The following TBC1D16 variants were observed in gnomAD, a reference collection of about 807,000 sequenced individuals.
TBC1D16 encodes the protein TBC1 domain family member 16.
Under a neutral mutation model 74.7 loss-of-function variants are expected in TBC1D16, and 58 were observed. The observed-to-expected ratio is 0.78, with a 90% CI of 0.63 to 0.97. TBC1D16 has a LOEUF of 0.97. Among genes scored for constraint, TBC1D16 ranks in the 50% least tolerant of loss-of-function variants. TBC1D16 has a pLI of 0.00. For synonymous variants in TBC1D16, 493 were observed against 474.7 expected (o/e 1.04, Z -0.50); for missense variants, 1,014 against 1,079.5 (o/e 0.94, Z 0.85).
chr17:79,976,210 A>C (rs1268513213), intron 3 of TBC1D16, among the ~76,000 whole-genome samples: 5 of 152,224 alleles, frequency 3.3e-5, no homozygotes, highest in East Asian at 1.9e-4. Context: ...GGTACCCTAC[A>C]TGTCGATGCC....
chr17:79,952,753 C>T lies in TBC1D16; in HGVS notation c.845G>A (p.Arg282His), dbSNP rs761831801. The change falls in exon 4 of 12, where the codon CGC becomes CAC. Residue 282 changes from arginine to histidine, a missense_variant. By Grantham distance (29) the Arg-to-His change is conservative. Coordinates refer to ENST00000310924, the MANE Select transcript of TBC1D16 (RefSeq NM_019020.4). ...GCACACCCGCTGCGGCTCGTCCCAG[C>T]GTGGGGTCTGCAGGAGGCCGTTGCT... is the stretch of plus-strand genomic sequence containing the variant. ...PDSNGLLQTP[R>H]WDEPQRVCAL... 3.0e-5 allele frequency: 49 copies of T among 1,612,090 alleles called. No individual in the cohort carries two copies. The highest frequency in any genetic ancestry group is 6.7e-5 in the Admixed American group (4 of 59,956).
rs114889695 is a variant in TBC1D16, at chr17:79,954,606, C to A, written c.780-1788G>T. 1.4e-3 allele frequency among the ~76,000 whole-genome samples: 218 copies of A among 152,262 alleles called. 1 individual carries two copies. The highest frequency in any genetic ancestry group is 5.0e-3 in the African/African-American group (208 of 41,552). ...CTGACATCTTCCCAAGTGGACCCTG[C>A]GGGAGCTGCGCTTCAGAATCGTTGC... On this transcript the variant is annotated intron_variant, in intron 3 of 11. Transcript: ENST00000310924. This position sits in a 1 kb window ranked among gnomAD's most constrained non-coding sequence, Gnocchi z 5.5.
At position 79,990,860 on chromosome 17, in the gene TBC1D16, C is replaced by T. The variant is rs1018245201; in HGVS notation, c.779+19300G>A. 1.3e-5 allele frequency among the ~76,000 whole-genome samples: 2 copies of T among 152,226 alleles called. No homozygotes were observed. Among genetic ancestry groups the T allele is most frequent in the South Asian group, 2.1e-4 (1 of 4,834 alleles). ...CACAGATTTGGCCCCTTATGTCTGG[C>T]TCATTTCACTCGGCGTAACGTCCTC... On this transcript the variant is annotated intron_variant, in intron 3 of 11. Coordinates refer to ENST00000310924, the MANE Select transcript of TBC1D16 (RefSeq NM_019020.4). The surrounding 1 kb of genome is among the most constrained non-coding windows in gnomAD (Gnocchi z 4.8).
chr17:79,972,192 CCT>C (rs916015900), intron 3 of TBC1D16, among the ~76,000 whole-genome samples: 30 of 151,708 alleles, frequency 2.0e-4, no homozygotes, highest in African/African-American at 7.0e-4. Flanking sequence ...TTTTCTTCCC[CCT>C]GAGAGGGAGT....
chr17:79,941,230 A>C lies in TBC1D16; in HGVS notation c.2056-123T>G. ...CGGCCTGCACCTCGGGGGCTCACCG[A>C]GTCCTGGACTGAGGGCTCTGCCTGC... On this transcript the variant is annotated intron_variant, in intron 11 of 11. Coordinates refer to ENST00000310924, the MANE Select transcript of TBC1D16 (RefSeq NM_019020.4). The surrounding 1 kb of genome is among the most constrained non-coding windows in gnomAD (Gnocchi z 4.3). The C allele has an allele frequency of 1.1e-6, 1 of 940,846 alleles. No homozygotes were observed. Among genetic ancestry groups the C allele is most frequent in the Non-Finnish European group, 1.6e-6 (1 of 644,838 alleles). 58.3% of individuals were successfully genotyped at this position (940,846 alleles called of 1,614,324 possible).
At chr17:79,962,247 CT>C (rs1356288337) in intron 3 of TBC1D16, among the ~76,000 whole-genome samples, 1 of 119,550 alleles carries the variant, frequency 8.4e-6, no homozygotes, top group Non-Finnish European at 1.6e-5. Context: ...AGTCATCTCA[CT>C]CTGTTGGCCA....
chr17:80,035,629 G>C lies in TBC1D16; in HGVS notation c.-63+166C>G, dbSNP rs2036964931. The stretch of plus-strand genomic sequence containing the variant: ...CTCCTGCTGGCGCCCCGCACCCCGA[G>C]GACGGCGGCCGGACCCCGGCCCCTC... On this transcript the variant is annotated intron_variant, in intron 1 of 11. Transcript: ENST00000310924. The surrounding 1 kb of genome is among the most constrained non-coding windows in gnomAD (Gnocchi z 5.3). Among the ~76,000 whole-genome samples, 1 of 151,196 alleles carries C rather than the reference G, an allele frequency of 6.6e-6. No homozygotes were observed. The highest frequency in any genetic ancestry group is 1.9e-4 in the East Asian group (1 of 5,138).
chr17:79,952,709 C>A lies in TBC1D16; in HGVS notation c.889G>T (p.Gly297Cys), dbSNP rs147640226. The change falls in exon 4 of 12, where the codon GGC becomes TGC. Residue 297 changes from glycine to cysteine, a missense_variant. Transcript: ENST00000310924. ...QRVCALEQIC[G>C]VFRVDLGHMR... Reference sequence around the variant, plus strand: ...TGGCCCAGGTCCACGCGGAACACGCCGCAAATCTGCTCCAGGGCGCACACC... The same window carrying A: ...TGGCCCAGGTCCACGCGGAACACGCAGCAAATCTGCTCCAGGGCGCACACC... 4 of 1,611,650 alleles carry A rather than the reference C, an allele frequency of 2.5e-6. No individual in the cohort carries two copies. In the East Asian group the frequency reaches 6.7e-5, roughly 27 times the overall value.
Position 79,978,202 on chromosome 17 carries a change from C to T in TBC1D16, c.780-25384G>A, listed in dbSNP as rs372853851. Among the ~76,000 whole-genome samples, 151 of 152,260 alleles carry T rather than the reference C, an allele frequency of 9.9e-4. No homozygotes were observed. In the Middle Eastern group the frequency reaches 0.02, roughly 21 times the overall value. On this transcript the variant is annotated intron_variant, in intron 3 of 11. Transcript: ENST00000310924. ...CAAGGCCGGAAAATACAGGGCCAAG[C>T]GGGGCGGGGATGAATCGCAGCTCCT... is the stretch of plus-strand genomic sequence containing the variant.
intron 3 of TBC1D16, among the ~76,000 whole-genome samples, chr17:79,972,361 G>A (rs907640606): frequency 6.6e-6 from 1 of 152,100 alleles, no homozygotes; most frequent in Non-Finnish European, 1.5e-5. Context: ...ATTTTTAGTA[G>A]AGACAGGGTT....
chr17:80,033,864 A>G (rs548806446), intron 1 of TBC1D16, among the ~76,000 whole-genome samples: 1 of 152,186 alleles, frequency 6.6e-6, no homozygotes, highest in African/African-American at 2.4e-5. Flanking sequence ...GATTAGTCCC[A>G]CCTCCTTGCA....
At chr17:79,943,802 G>GCC (rs2032259056) in intron 10 of TBC1D16, 1 of 1,288,888 alleles carries the variant, frequency 7.8e-7, no homozygotes, top group East Asian at 3.6e-5. Flanking sequence ...GCCACGCGCT[G>GCC]AGTTCACGGG....
chr17:79,950,331 C>T lies in TBC1D16; in HGVS notation c.1257+80G>A. On this transcript the variant is annotated intron_variant, in intron 6 of 11. Transcript: ENST00000310924. The surrounding 1 kb of genome is among the most constrained non-coding windows in gnomAD (Gnocchi z 4.6). ...CGTGGGTGCGGGCGGGCGGCCAGGCCCCGGCCCTCCTTCCCTCTCGCTCGT... is the reference window on the plus strand; with the variant it reads ...CGTGGGTGCGGGCGGGCGGCCAGGCTCCGGCCCTCCTTCCCTCTCGCTCGT... The T allele has an allele frequency of 6.8e-7, 1 of 1,469,308 alleles. No individual in the cohort carries two copies. The highest frequency in any genetic ancestry group is 9.0e-7 in the Non-Finnish European group (1 of 1,114,250). 91.0% of individuals were successfully genotyped at this position (1,469,308 alleles called of 1,614,324 possible).
At chr17:79,960,804 A>AAAAAAAAC (rs2033572368) in intron 3 of TBC1D16, among the ~76,000 whole-genome samples, 1 of 144,098 alleles carries the variant, frequency 6.9e-6, no homozygotes, top group Non-Finnish European at 1.5e-5. Context: ...AAAAAAAAAA[A>AAAAAAAAC]AAAAACGAAG....
rs1231902341 is a variant in TBC1D16, at chr17:79,990,244, A to G, written c.779+19916T>C. On this transcript the variant is annotated intron_variant, in intron 3 of 11. Coordinates refer to ENST00000310924, the MANE Select transcript of TBC1D16 (RefSeq NM_019020.4). The surrounding 1 kb of genome is among the most constrained non-coding windows in gnomAD (Gnocchi z 4.8). ...CGTGGACAGCAGCCGTAGCCCTCACAAGGCGTGTGCGGTGACGGGTCTCGG... is the reference window on the plus strand; with the variant it reads ...CGTGGACAGCAGCCGTAGCCCTCACGAGGCGTGTGCGGTGACGGGTCTCGG... 6.6e-6 allele frequency among the ~76,000 whole-genome samples: 1 copy of G among 152,238 alleles called. No homozygotes were observed. The highest frequency in any genetic ancestry group is 2.1e-4 in the South Asian group (1 of 4,820).
In TBC1D16 at chr17:80,000,897, G is replaced by A. The variant is rs2035461002; in HGVS notation, c.779+9263C>T. Among the ~76,000 whole-genome samples, 1 of 152,210 alleles carries A rather than the reference G, an allele frequency of 6.6e-6. No individual in the cohort carries two copies. The highest frequency in any genetic ancestry group is 1.9e-4 in the East Asian group (1 of 5,194). On this transcript the variant is annotated intron_variant, in intron 3 of 11. Coordinates refer to ENST00000310924, the MANE Select transcript of TBC1D16 (RefSeq NM_019020.4). This position sits in a 1 kb window ranked among gnomAD's most constrained non-coding sequence, Gnocchi z 4.1. ...AGGCCTCACCCAACCAAGCCCGCCA[G>A]CCCCTTCTCTGCCTAGACATCATGT...
chr17:80,033,088 T>G (rs1005842056), intron 1 of TBC1D16, among the ~76,000 whole-genome samples: 1 of 151,876 alleles, frequency 6.6e-6, no homozygotes, highest in Non-Finnish European at 1.5e-5. Flanking sequence ...CAAAGGGGAG[T>G]GAGGAGTCAA....
In TBC1D16 at chr17:79,981,014, A is replaced by G. The variant is rs1037532831; in HGVS notation, c.780-28196T>C. 3.9e-5 allele frequency among the ~76,000 whole-genome samples: 6 copies of G among 152,232 alleles called. No individual in the cohort carries two copies. The highest frequency in any genetic ancestry group is 1.4e-4 in the African/African-American group (6 of 41,468). ...CAAAGGGCAAACAGTCATGATACCAATCACCAACATCCTTTGATAAGACCT... is the reference window on the plus strand; with the variant it reads ...CAAAGGGCAAACAGTCATGATACCAGTCACCAACATCCTTTGATAAGACCT... On this transcript the variant is annotated intron_variant, in intron 3 of 11. Transcript: ENST00000310924. The surrounding 1 kb of genome is among the most constrained non-coding windows in gnomAD (Gnocchi z 6.9).
At chr17:80,031,901 G>A (rs2036788764) in intron 1 of TBC1D16, among the ~76,000 whole-genome samples, 1 of 152,184 alleles carries the variant, frequency 6.6e-6, no homozygotes, top group African/African-American at 2.4e-5. Flanking sequence ...TGTCAGTGAA[G>A]GAGCAGTGAA....
Sources: allele counts gnomAD v4.1 joint callset (sites outside exome capture counted in the v4.1 genomes callset), GRCh38; gene constraint gnomAD v4.1.1; non-coding constraint Gnocchi (gnomAD v3.1); transcripts MANE v1.5; gene names NCBI Gene and HGNC (gene_info 2026-07-23, HGNC 2026-07-21).